ATR: variants seen among roughly 807,000 people sequenced by gnomAD.
ATR encodes ATR checkpoint kinase.
A neutral mutation model predicts 305.3 loss-of-function variants in ATR; 142 were observed. The observed-to-expected ratio is 0.47, with a 90% CI of 0.41 to 0.53. The LOEUF (loss-of-function observed/expected upper bound fraction) is 0.53, where lower values mean the gene tolerates loss of function less well. ATR is among the 20% of genes least tolerant of loss of function. The pLI, the probability that ATR is intolerant of heterozygous loss-of-function variation, is 0.00. For synonymous variants in ATR, 1,050 were observed against 1,068.1 expected (o/e 0.98, Z 0.33); for missense variants, 2,135 against 3,133.1 (o/e 0.68, Z 7.60).
At chr3:142,539,606 G>C (rs958067834) in intron 18 of ATR, among the ~76,000 whole-genome samples, 4 of 152,094 alleles carry the variant, frequency 2.6e-5, no homozygotes, top group African/African-American at 9.7e-5. Flanking sequence ...AAGTATTTAT[G>C]AACTGCTTTA....
intron 27 of ATR, among the ~76,000 whole-genome samples, chr3:142,508,881 G>A (rs1001488905): frequency 1.4e-5 from 2 of 139,306 alleles, no homozygotes; most frequent in Non-Finnish European, 3.0e-5. Context: ...CTGAGATCAC[G>A]CCACTGCACT....
chr3:142,485,819 G>C lies in ATR; in HGVS notation c.6079-537C>G, dbSNP rs181408425. On this transcript the variant is annotated intron_variant, in intron 35 of 46. Transcript: ENST00000350721. ...TTTCTCTCAATTCCTTCAGAAGCAGGCTTCTAAAAAGGATTCTCTACCTCA... is the reference window on the plus strand; with the variant it reads ...TTTCTCTCAATTCCTTCAGAAGCAGCCTTCTAAAAAGGATTCTCTACCTCA... 2.6e-3 allele frequency among the ~76,000 whole-genome samples: 396 copies of C among 152,216 alleles called. 1 individual carries two copies. The highest frequency in any genetic ancestry group is 0.017 in the Middle Eastern group (5 of 294).
At chr3:142,541,157 A>T in intron 17 of ATR, 123 bp from the exon 18 acceptor site, 1 of 1,262,870 alleles carries the variant, frequency 7.9e-7, no homozygotes, top group Non-Finnish European at 1.1e-6. Context: ...ATAATACAAA[A>T]GATTGAATAA....
chr3:142,481,043 G>A (rs2108301889), intron 36 of ATR, among the ~76,000 whole-genome samples: 1 of 152,356 alleles, frequency 6.6e-6, no homozygotes, highest in Non-Finnish European at 1.5e-5. Context: ...CCCAGGTGAG[G>A]CAATGCCTTG....
At chr3:142,574,172 G>A (rs1279887727) in intron 1 of ATR, among the ~76,000 whole-genome samples, 2 of 151,998 alleles carry the variant, frequency 1.3e-5, no homozygotes, top group African/African-American at 4.8e-5. Context: ...ACTATCAGAA[G>A]AAAGAAACTT....
chr3:142,495,706 T>G (rs1435273243), intron 34 of ATR, among the ~76,000 whole-genome samples: 1 of 152,048 alleles, frequency 6.6e-6, no homozygotes, highest in Non-Finnish European at 1.5e-5. Context: ...ATCGTGCCAC[T>G]GCACTCCAGC....
intron 21 of ATR, among the ~76,000 whole-genome samples, chr3:142,533,416 G>C (rs1484726482): frequency 6.6e-6 from 1 of 152,230 alleles, no homozygotes; most frequent in East Asian, 1.9e-4. Flanking sequence ...CTGCTGAAGA[G>C]TATAGATATA....
rs74269486 is a variant in ATR at position 142,512,220 on chromosome 3, T to TAA, written c.4852+38_4852+39dup. ...AGGGAAGAGCTAATTGGTGAATAGC[T>TAA]AAAAAAAAAAAAAAAAAAGAAACAG... On this transcript the variant is annotated intron_variant, in intron 27 of 46. Transcript: ENST00000350721. 23,308 of 1,235,702 alleles carry TAA rather than the reference T, an allele frequency of 0.019. 160 individuals are homozygous for TAA. Among genetic ancestry groups the TAA allele is most frequent in the African/African-American group, 0.076 (4,411 of 58,388 alleles). 76.5% of individuals were successfully genotyped at this position (1,235,702 alleles called of 1,614,324 possible).
In ATR at chr3:142,462,625, C is replaced by T. The variant is rs112786735; in HGVS notation, c.7042-535G>A. On this transcript the variant is annotated intron_variant, in intron 41 of 46. Coordinates refer to ENST00000350721, the MANE Select transcript of ATR (RefSeq NM_001184.4). Reference sequence around the variant, plus strand: ...GTGGGACTATAGGTGCCTGCCACCACGCCCAGCTAATTTTTTGTATTTTTA... The same window carrying T: ...GTGGGACTATAGGTGCCTGCCACCATGCCCAGCTAATTTTTTGTATTTTTA... Among the ~76,000 whole-genome samples the T allele has an allele frequency of 8.7e-3, 1,322 of 152,104 alleles. 23 individuals carry two copies. The highest frequency in any genetic ancestry group is 0.029 in the African/African-American group (1,209 of 41,474).
At chr3:142,574,102 T>A (rs960784134) in intron 1 of ATR, among the ~76,000 whole-genome samples, 5 of 152,178 alleles carry the variant, frequency 3.3e-5, no homozygotes, top group African/African-American at 1.2e-4. Context: ...ATGTATTATT[T>A]GTGTAATTTT....
intron 45 of ATR, among the ~76,000 whole-genome samples, chr3:142,456,220 T>A (rs1402132512): frequency 6.6e-6 from 1 of 151,616 alleles, no homozygotes; most frequent in Non-Finnish European, 1.5e-5. Flanking sequence ...GGAGATCACG[T>A]TACTGCACTC....
At position 142,498,770 on chromosome 3, in the gene ATR, T is replaced by C. The variant is rs1247161295; in HGVS notation, c.5385A>G (p.Gly1795=). The change falls in exon 32 of 47, where the codon GGA becomes GGG. Residue 1795 remains glycine, a synonymous_variant. Transcript: ENST00000350721. ...DLVENYLAAD[G]KSTTWSVRLG... ...GTCTGACACTCCATGTTGTAGATTT[T>C]CCATCTGAAAAACAAATGAAGAGTC... The C allele has an allele frequency of 1.2e-6, 2 of 1,614,060 alleles. No homozygotes were observed. Among genetic ancestry groups the C allele is most frequent in the Non-Finnish European group, 1.7e-6 (2 of 1,179,972 alleles).
chr3:142,496,130 G>A (rs1271294433), intron 34 of ATR, among the ~76,000 whole-genome samples: 6 of 151,392 alleles, frequency 4.0e-5, no homozygotes, highest in Non-Finnish European at 8.8e-5. Context: ...GAAATGGGAA[G>A]GTATCTGGGG....
intron 21 of ATR, among the ~76,000 whole-genome samples, chr3:142,529,674 C>T (rs1215832276): frequency 6.6e-6 from 1 of 152,150 alleles, no homozygotes; most frequent in Non-Finnish European, 1.5e-5. Flanking sequence ...ATACATGATA[C>T]TCTAAGGACA....
chr3:142,562,073 A>G (rs1353379520), intron 4 of ATR, among the ~76,000 whole-genome samples, 159 bp downstream of exon 4: 3 of 148,866 alleles, frequency 2.0e-5, no homozygotes, highest in African/African-American at 7.3e-5. Context: ...GTAAAAGTCC[A>G]TAATAGTGAG....
At chr3:142,512,168 C>T (rs2108370171) in intron 27 of ATR, 92 bp downstream of exon 27, 6 of 1,122,924 alleles carry the variant, frequency 5.3e-6, no homozygotes, top group Non-Finnish European at 6.5e-6. Flanking sequence ...ATTTTTTAAG[C>T]TAGTGCTTAA....
chr3:142,500,699 A>T (rs527746614), intron 30 of ATR, among the ~76,000 whole-genome samples: 2 of 152,328 alleles, frequency 1.3e-5, no homozygotes, highest in South Asian at 4.1e-4. Flanking sequence ...AATAGAAGCT[A>T]GAGGATTCCA....
chr3:142,479,189 T>C (rs1245529584), intron 36 of ATR, among the ~76,000 whole-genome samples: 1 of 152,184 alleles, frequency 6.6e-6, no homozygotes, highest in African/African-American at 2.4e-5. Flanking sequence ...GCATCGATGG[T>C]CTTTACAATT....
chr3:142,497,105 G>A lies in ATR; in HGVS notation c.5646C>T (p.Asn1882=), dbSNP rs1444311935. The A allele has an allele frequency of 6.2e-7, 1 of 1,614,104 alleles. No homozygotes were observed. Among genetic ancestry groups the A allele is most frequent in the South Asian group, 1.1e-5 (1 of 91,070 alleles). ...GGGTCATTTCTAGTCGAGCTACCCA[G>A]TTTAGAGAATCTTCTTGAGAACTGT... ...PGDSSQEDSL[N]WVARLEMTQN... Residue 1882 remains asparagine (N), a synonymous_variant, in exon 33 of 47, where the codon AAC becomes AAT. Coordinates refer to ENST00000350721, the MANE Select transcript of ATR (RefSeq NM_001184.4).
Sources: allele counts gnomAD v4.1 joint callset (sites outside exome capture counted in the v4.1 genomes callset), GRCh38; gene constraint gnomAD v4.1.1; transcripts MANE v1.5; gene names NCBI Gene and HGNC (gene_info 2026-07-23, HGNC 2026-07-21).